Variants in ERC2 observed in about 807,000 individuals in gnomAD.
ERC2 encodes the protein ELKS/RAB6-interacting/CAST family member 2.
In ERC2, 42 loss-of-function variants were observed where a neutral mutation model predicts 114.8. The observed-to-expected ratio is 0.37, with a 90% CI of 0.29 to 0.47. ERC2 has a LOEUF of 0.47. Among genes scored for constraint, ERC2 ranks in the 20% least tolerant of loss-of-function variants. The probability of loss-of-function intolerance (pLI) is 0.99; values close to 1 mark genes in which losing one functional copy is unlikely to be tolerated. For missense variants in ERC2, 939 were observed against 1,150.7 expected, an observed-to-expected ratio of 0.82 and a Z score of 2.66; for synonymous variants, 454 against 425.5, an observed-to-expected ratio of 1.07 and a Z score of -0.82.
intron 13 of ERC2, among the ~76,000 whole-genome samples, chr3:55,902,339 C>T (rs978774910): frequency 1.3e-5 from 2 of 152,044 alleles, no homozygotes; most frequent in Non-Finnish European, 2.9e-5. Context: ...AAATGCGTCC[C>T]TAGGGCACAG....
rs543754605 is a variant in ERC2, at chr3:56,464,635, C to CCAT, written c.-141+3610_-141+3612dup. ...ATAAGAAGAAGAGGTTGTAGAGTCT[C>CCAT]CATGTTTTGTACATCCAGTGAGTTC... On this transcript the variant is annotated intron_variant, in intron 1 of 17. Coordinates refer to ENST00000288221, the MANE Select transcript of ERC2 (RefSeq NM_015576.3). Among the ~76,000 whole-genome samples, 16 of 152,264 alleles carry CCAT rather than the reference C, an allele frequency of 1.1e-4. No individual in the cohort carries two copies. In the East Asian group the frequency reaches 2.9e-3, roughly 27 times the overall value.
At chr3:56,065,909 T>C (rs970286657) in intron 7 of ERC2, among the ~76,000 whole-genome samples, 3 of 152,220 alleles carry the variant, frequency 2.0e-5, no homozygotes, top group East Asian at 3.8e-4. Flanking sequence ...TAGTATTCCA[T>C]GGTGTATATA....
chr3:55,683,973 G>C, intron 16 of ERC2, 114 bp from the exon 17 acceptor site: 3 of 1,186,220 alleles, frequency 2.5e-6, no homozygotes. Flanking sequence ...TCTTCACTTT[G>C]TTTTTTAATC....
intron 7 of ERC2, among the ~76,000 whole-genome samples, chr3:56,059,997 T>C (rs1029896978): frequency 1.3e-5 from 2 of 152,246 alleles, no homozygotes; most frequent in Non-Finnish European, 2.9e-5. Flanking sequence ...CTGAATTCTC[T>C]ATCCAGTTCT....
chr3:55,664,945 G>A (rs746146744), intron 17 of ERC2, among the ~76,000 whole-genome samples: 1 of 152,116 alleles, frequency 6.6e-6, no homozygotes, highest in African/African-American at 2.4e-5. Context: ...ATCCCCACAC[G>A]GGAGTCAACA....
intron 2 of ERC2, among the ~76,000 whole-genome samples, chr3:56,344,008 C>T (rs544172686): frequency 1.1e-4 from 16 of 152,244 alleles, no homozygotes; most frequent in African/African-American, 3.4e-4. Context: ...ATATACTGCA[C>T]GACCCCTGGC....
chr3:56,157,527 G>A (rs1177927884), intron 4 of ERC2, among the ~76,000 whole-genome samples: 18 of 152,088 alleles, frequency 1.2e-4, no homozygotes, highest in Admixed American at 1.2e-3. Context: ...TGCATTTTAG[G>A]GAGCCTAAAA....
At chr3:55,997,902 TTTTTTGTGTGTGTGTGTGTGTTTTTTG>T (rs2071682042) in intron 10 of ERC2, among the ~76,000 whole-genome samples, 2 of 50,188 alleles carry the variant, frequency 4.0e-5, no homozygotes, top group Non-Finnish European at 7.9e-5. Flanking sequence ...TTTTTTTTTT[TTTTTTGTGTGTGTGTGTGTGTTTTTTG>T]TTTTTTTTTT....
intron 3 of ERC2, among the ~76,000 whole-genome samples, chr3:56,246,175 C>A (rs1344180031): frequency 6.7e-6 from 1 of 148,256 alleles, no homozygotes; most frequent in African/African-American, 2.5e-5. Context: ...TTCAGCTTTT[C>A]TTGGCTAATT....
intron 7 of ERC2, among the ~76,000 whole-genome samples, chr3:56,026,025 G>A (rs1006608823): frequency 3.7e-5 from 5 of 133,630 alleles, no homozygotes; most frequent in Admixed American, 7.5e-5. Context: ...AGTAAGTATT[G>A]TATGCAGCAA....
rs904685156 is a variant in ERC2, at chr3:55,625,667, C to T, written c.*39+58127G>A. ...TCGGGAGGCTGAGGCAGGAGAATGG[C>T]GTGAACCTGGGAGGCGGAGTTTGCA... On this transcript the variant is annotated intron_variant, in intron 17 of 17. Transcript: ENST00000288221. Among the ~76,000 whole-genome samples, 5 of 152,162 alleles carry T rather than the reference C, an allele frequency of 3.3e-5. No homozygotes were observed. The East Asian group carries it at 9.7e-4, about 30-fold the overall frequency.
intron 14 of ERC2, among the ~76,000 whole-genome samples, chr3:55,786,288 A>C (rs764772818): frequency 2.0e-5 from 3 of 152,232 alleles, no homozygotes; most frequent in Admixed American, 1.3e-4. Context: ...AATATTATAG[A>C]GCTTTCTACC....
At chr3:56,183,424 C>T (rs1239829571) in intron 3 of ERC2, among the ~76,000 whole-genome samples, 4 of 152,116 alleles carry the variant, frequency 2.6e-5, no homozygotes, top group African/African-American at 4.8e-5. Context: ...GCTATTTCAT[C>T]GCGTAGAGAG....
intron 14 of ERC2, among the ~76,000 whole-genome samples, chr3:55,745,689 T>G (rs542506778): frequency 2.6e-5 from 4 of 152,242 alleles, no homozygotes; most frequent in Non-Finnish European, 5.9e-5. Flanking sequence ...TGGACTTCAC[T>G]GCAGGACAGA....
intron 7 of ERC2, among the ~76,000 whole-genome samples, chr3:56,054,129 T>C (rs116180424): frequency 0.012 from 1,822 of 152,342 alleles, 29 homozygotes; most frequent in African/African-American, 0.041. Flanking sequence ...TTATACTCTC[T>C]GGAAAAACAG....
chr3:55,603,383 A>G (rs2058494755), intron 17 of ERC2, among the ~76,000 whole-genome samples: 1 of 152,232 alleles, frequency 6.6e-6, no homozygotes, highest in Non-Finnish European at 1.5e-5. Context: ...CTGTAATCCC[A>G]GCACTTTGGG....
chr3:56,243,613 T>C (rs910608408), intron 3 of ERC2, among the ~76,000 whole-genome samples: 1 of 151,994 alleles, frequency 6.6e-6, no homozygotes, highest in African/African-American at 2.4e-5. Context: ...AGGATCAGAG[T>C]TGAAGAGGAG....
chr3:56,000,508 GA>G (rs1467782239), intron 10 of ERC2, among the ~76,000 whole-genome samples: 1 of 151,830 alleles, frequency 6.6e-6, no homozygotes, highest in East Asian at 1.9e-4. Context: ...ACTTACGTAA[GA>G]AAAAATACAA....
intron 10 of ERC2, 66 bp downstream of exon 10, chr3:56,007,115 C>T (rs1356811553): frequency 7.7e-6 from 11 of 1,436,612 alleles, no homozygotes; most frequent in South Asian, 1.3e-5. Flanking sequence ...AAAAACGTCT[C>T]TTCCTGTTCC....
Sources: gnomAD v4.1 joint callset for allele counts (sites outside exome capture counted in the v4.1 genomes callset) on GRCh38, gnomAD v4.1.1 for gene constraint, MANE v1.5 for transcripts, NCBI Gene and HGNC (gene_info 2026-07-23, HGNC 2026-07-21) for gene names.